Variants in TRPS1 observed in about 807,000 individuals in gnomAD.
The protein encoded by TRPS1 is zinc finger transcription factor Trps1.
Under a neutral mutation model 101.2 loss-of-function variants are expected in TRPS1, and 6 were observed. The ratio of observed to expected loss-of-function variants is 0.06; its 90% CI spans 0.03 to 0.12. The LOEUF (loss-of-function observed/expected upper bound fraction) is 0.12, where lower values mean the gene tolerates loss of function less well. Ranked by LOEUF, TRPS1 falls within the 10% of genes least tolerant of loss-of-function variation. TRPS1 has a pLI of 1.00. For synonymous variants in TRPS1, 578 were observed against 589.8 expected, an observed-to-expected ratio of 0.98 and a Z score of 0.29; for missense variants, 1,363 against 1,567.0, an observed-to-expected ratio of 0.87 and a Z score of 2.20.
chr8:115,623,423 C>T (rs1402173139), intron 2 of TRPS1, among the ~76,000 whole-genome samples, 178 bp downstream of exon 2: 3 of 151,954 alleles, frequency 2.0e-5, no homozygotes, highest in African/African-American at 7.2e-5. Context: ...AATATAAGCA[C>T]ATTTGTCATA....
chr8:115,593,614 T>G (rs1241190778), intron 4 of TRPS1, among the ~76,000 whole-genome samples: 1 of 152,128 alleles, frequency 6.6e-6, no homozygotes, highest in East Asian at 1.9e-4. Flanking sequence ...TAAACCCCAG[T>G]AAAAGAAAAC....
chr8:115,417,501 T>C (rs1205420455), intron 6 of TRPS1, among the ~76,000 whole-genome samples: 1 of 152,144 alleles, frequency 6.6e-6, no homozygotes, highest in African/African-American at 2.4e-5. Context: ...TTTTGTTTAC[T>C]AAATGGGGGA....
intron 1 of TRPS1, chr8:115,637,455 G>A (rs2130577044): frequency 3.1e-6 from 1 of 324,520 alleles, no homozygotes; most frequent in East Asian, 1.7e-4. Flanking sequence ...GATCGTAAAA[G>A]GAAGTGGAAT....
intron 2 of TRPS1, 22 bp from the exon 3 acceptor site, chr8:115,620,082 G>C: frequency 6.2e-7 from 1 of 1,610,100 alleles, no homozygotes. Context: ...AAGGGAAAAG[G>C]CAGATACAGT....
chr8:115,548,083 A>T (rs893332936), intron 5 of TRPS1, among the ~76,000 whole-genome samples: 80 of 151,552 alleles, frequency 5.3e-4, no homozygotes, highest in Non-Finnish European at 1.0e-3. Flanking sequence ...AAAAAAAAAA[A>T]TAAGTCTGGT....
chr8:115,443,247 G>A (rs1813653060), intron 5 of TRPS1, among the ~76,000 whole-genome samples: 1 of 152,174 alleles, frequency 6.6e-6, no homozygotes, highest in African/African-American at 2.4e-5. Context: ...TCCAGCCTGG[G>A]TGACAGAGTG....
chr8:115,641,244 C>T (rs1818887913), intron 1 of TRPS1, among the ~76,000 whole-genome samples: 1 of 152,238 alleles, frequency 6.6e-6, no homozygotes, highest in Non-Finnish European at 1.5e-5. Flanking sequence ...TTACTAACTA[C>T]TCATCTGTGA....
At chr8:115,606,009 C>A (rs1363227762) in intron 3 of TRPS1, among the ~76,000 whole-genome samples, 1 of 152,196 alleles carries the variant, frequency 6.6e-6, no homozygotes, top group South Asian at 2.1e-4. Flanking sequence ...AAAACAATTT[C>A]TCTTCCAACC....
At chr8:115,449,378 G>A (rs879180267) in intron 5 of TRPS1, among the ~76,000 whole-genome samples, 3 of 152,182 alleles carry the variant, frequency 2.0e-5, no homozygotes, top group African/African-American at 7.2e-5. Context: ...TCAGGGAAAT[G>A]GATTTTCTGC....
chr8:115,641,155 C>A (rs574605802), intron 1 of TRPS1, among the ~76,000 whole-genome samples: 5 of 152,212 alleles, frequency 3.3e-5, no homozygotes, highest in Non-Finnish European at 7.3e-5. Context: ...AAATACTGTG[C>A]AATCTTTCTA....
At chr8:115,463,862 T>C (rs1814251334) in intron 5 of TRPS1, among the ~76,000 whole-genome samples, 1 of 151,878 alleles carries the variant, frequency 6.6e-6, no homozygotes, top group African/African-American at 2.4e-5. Context: ...GTACATGTTT[T>C]AGATTTGTTT....
In TRPS1 at chr8:115,604,982, G is replaced by C. The variant is rs1284449911; in HGVS notation, c.987C>G (p.Phe329Leu). 4 of 1,613,534 alleles carry C rather than the reference G, an allele frequency of 2.5e-6. No homozygotes were observed. Among genetic ancestry groups the C allele is most frequent in the Non-Finnish European group, 3.4e-6 (4 of 1,179,924 alleles). ...YDVQVTSGGT[F>L]IGIGRKTPDC... ...CTGGTGTTTTCCGTCCAATGCCAATGAATGTTCCACCTGAAGTCACCTGGA... is the reference window on the plus strand; with the variant it reads ...CTGGTGTTTTCCGTCCAATGCCAATCAATGTTCCACCTGAAGTCACCTGGA... Residue 329 changes from phenylalanine to leucine, a missense_variant, in exon 4 of 7, where the codon TTC (phenylalanine) becomes TTG (leucine). Physicochemically the swap from Phe to Leu is conservative, Grantham distance 22. Transcript: ENST00000395715. The surrounding 1 kb of genome is among the most constrained non-coding windows in gnomAD (Gnocchi z 4.1).
intron 5 of TRPS1, among the ~76,000 whole-genome samples, chr8:115,441,790 T>C (rs1224963570): frequency 2.0e-5 from 3 of 151,244 alleles, no homozygotes; most frequent in Non-Finnish European, 4.4e-5. Flanking sequence ...GGGAAAATAA[T>C]GAAAAATGGC....
At chr8:115,481,695 T>TA (rs1029853757) in intron 5 of TRPS1, among the ~76,000 whole-genome samples, 6 of 152,216 alleles carry the variant, frequency 3.9e-5, no homozygotes, top group Non-Finnish European at 8.8e-5. Context: ...TGACTATGTT[T>TA]AGAACTGCTT....
intron 1 of TRPS1, among the ~76,000 whole-genome samples, chr8:115,635,832 T>C (rs769977164): frequency 2.0e-5 from 3 of 152,136 alleles, no homozygotes; most frequent in Non-Finnish European, 4.4e-5. Flanking sequence ...AATTTTTCAA[T>C]TCCAGGAAAT....
intron 6 of TRPS1, among the ~76,000 whole-genome samples, chr8:115,417,573 T>C (rs548345609): frequency 2.0e-5 from 3 of 152,188 alleles, no homozygotes; most frequent in South Asian, 2.1e-4. Context: ...AAAAAAATCC[T>C]TCAGTAAGTC....
intron 5 of TRPS1, among the ~76,000 whole-genome samples, chr8:115,498,346 C>T (rs1249103348): frequency 6.9e-6 from 1 of 144,834 alleles, no homozygotes; most frequent in African/African-American, 2.5e-5. Context: ...CCACTGCACT[C>T]CAGCCTGGGC....
At chr8:115,584,021 A>G (rs1478541051) in intron 5 of TRPS1, among the ~76,000 whole-genome samples, 4 of 152,020 alleles carry the variant, frequency 2.6e-5, no homozygotes, top group Non-Finnish European at 5.9e-5. Context: ...TTTCATTGCT[A>G]AAACCAGTTT....
At chr8:115,493,745 CT>C (rs1242274033) in intron 5 of TRPS1, among the ~76,000 whole-genome samples, 1 of 152,068 alleles carries the variant, frequency 6.6e-6, no homozygotes, top group Non-Finnish European at 1.5e-5. Flanking sequence ...AATAATTTGA[CT>C]TAAAGATTTG....
Sources: gnomAD v4.1 joint callset for allele counts (sites outside exome capture counted in the v4.1 genomes callset) on GRCh38, gnomAD v4.1.1 for gene constraint, Gnocchi (gnomAD v3.1) non-coding constraint, MANE v1.5 for transcripts, NCBI Gene and HGNC (gene_info 2026-07-23, HGNC 2026-07-21) for gene names.